The following ZFHX3 variants were observed in gnomAD, a reference collection of about 807,000 sequenced individuals.
The protein encoded by ZFHX3 is zinc finger homeobox protein 3.
A neutral mutation model predicts 279.1 loss-of-function variants in ZFHX3; 42 were observed. The observed-to-expected ratio is 0.15, with a 90% CI of 0.12 to 0.19. The LOEUF (loss-of-function observed/expected upper bound fraction) is 0.19. Among genes scored for constraint, ZFHX3 ranks in the 10% least tolerant of loss-of-function variants. The pLI is 1.00. For synonymous variants in ZFHX3, 2,293 were observed against 1,957.8 expected, an observed-to-expected ratio of 1.17 and a Z score of -4.52; for missense variants, 4,981 against 4,754.0, an observed-to-expected ratio of 1.05 and a Z score of -1.40.
intron 1 of ZFHX3, among the ~76,000 whole-genome samples, chr16:73,798,113 T>G (rs1960046945): frequency 6.6e-6 from 1 of 152,084 alleles, no homozygotes; most frequent in Non-Finnish European, 1.5e-5. Context: ...TCGGTCCTTC[T>G]GAGACTTTCA....
intron 4 of ZFHX3, among the ~76,000 whole-genome samples, chr16:72,845,432 C>A (rs929619094): frequency 6.6e-6 from 1 of 152,206 alleles, no homozygotes; most frequent in African/African-American, 2.4e-5. Flanking sequence ...TCATCGCATG[C>A]ACAGGGACAT....
At chr16:73,468,530 G>A (rs770071328) in intron 2 of ZFHX3, among the ~76,000 whole-genome samples, 25 of 152,176 alleles carry the variant, frequency 1.6e-4, no homozygotes, top group Middle Eastern at 3.2e-3. Context: ...GAGGTCAAGA[G>A]TTTGAGACCA....
intron 1 of ZFHX3, among the ~76,000 whole-genome samples, chr16:73,846,454 T>C (rs2142374955): frequency 6.6e-6 from 1 of 152,316 alleles, no homozygotes; most frequent in African/African-American, 2.4e-5. Context: ...TGAGTTTCAC[T>C]GTATCAAGCT....
rs1210556399 is a variant in ZFHX3 at position 72,959,200 on chromosome 16, T to C, written c.946A>G (p.Ile316Val). The change falls in exon 2 of 10, where the codon ATT (isoleucine) becomes GTT (valine). Residue 316 changes from isoleucine (I) to valine (V), a missense_variant. Around this residue, in one of 7 missense-constraint regions of ZFHX3, gnomAD observed 1,068 missense variants for 935.2 expected, o/e 1.14. Transcript: ENST00000268489. ...GCGGAGATGTTCTTATTGCTAAGAATTTTCCGCTCGTCTTCGCTCAGGGTC... is the reference window on the plus strand; with the variant it reads ...GCGGAGATGTTCTTATTGCTAAGAACTTTCCGCTCGTCTTCGCTCAGGGTC... Reference protein sequence around the residue: ...RMTLSEDERKILSNKNISAII... With the variant: ...RMTLSEDERKVLSNKNISAII... 2.5e-6 allele frequency: 4 copies of C among 1,614,168 alleles called. No homozygotes were observed. The highest frequency in any genetic ancestry group is 3.4e-6 in the Non-Finnish European group (4 of 1,180,028).
intron 1 of ZFHX3, among the ~76,000 whole-genome samples, chr16:73,726,734 A>C (rs2053522136): frequency 6.6e-6 from 1 of 152,148 alleles, no homozygotes; most frequent in South Asian, 2.1e-4. Flanking sequence ...ACTTTCAAAC[A>C]ACCAGATCTT....
chr16:73,104,620 C>A (rs1310977949), intron 7 of ZFHX3, among the ~76,000 whole-genome samples: 2 of 152,122 alleles, frequency 1.3e-5, no homozygotes, highest in African/African-American at 4.8e-5. Context: ...GAGTACGTAC[C>A]ACATGAGGCT....
At chr16:73,460,672 A>T (rs948663209) in intron 2 of ZFHX3, among the ~76,000 whole-genome samples, 1 of 152,176 alleles carries the variant, frequency 6.6e-6, no homozygotes, top group African/African-American at 2.4e-5. Context: ...TCATGTTGAA[A>T]TGTAATTCCC....
chr16:73,124,683 T>G (rs866546128), intron 7 of ZFHX3, among the ~76,000 whole-genome samples: 50 of 152,190 alleles, frequency 3.3e-4, no homozygotes, highest in African/African-American at 1.2e-3. Flanking sequence ...AAGGGACTAT[T>G]ACATCTACAA....
At chr16:72,904,185 G>A (rs926496137) in intron 3 of ZFHX3, among the ~76,000 whole-genome samples, 6 of 151,966 alleles carry the variant, frequency 3.9e-5, no homozygotes, top group African/African-American at 1.2e-4. Context: ...GGCCAACATG[G>A]CAAAACCCCA....
intron 1 of ZFHX3, among the ~76,000 whole-genome samples, chr16:72,992,929 G>A (rs62053227): frequency 0.051 from 7,770 of 152,332 alleles, 271 homozygotes; most frequent in Non-Finnish European, 0.075. Flanking sequence ...CTGAGGTCAG[G>A]AGTTTGAGAC....
intron 8 of ZFHX3, among the ~76,000 whole-genome samples, chr16:73,076,144 C>T (rs1436704994): frequency 6.6e-6 from 1 of 152,170 alleles, no homozygotes; most frequent in Non-Finnish European, 1.5e-5. Flanking sequence ...AAGTGTCTAG[C>T]ACAATCCCTG....
intron 3 of ZFHX3, among the ~76,000 whole-genome samples, chr16:72,934,815 TC>T (rs1960026903): frequency 6.6e-6 from 1 of 152,172 alleles, no homozygotes; most frequent in African/African-American, 2.4e-5. Flanking sequence ...CACATCAGAA[TC>T]CGACAGTAAA....
Position 72,795,445 on chromosome 16 carries a change from C to T in ZFHX3, c.7237G>A (p.Ala2413Thr). Residue 2413 changes from alanine to threonine, a missense_variant, in exon 9 of 10, where the codon GCT becomes ACT. Ala to Thr is a moderately conservative substitution (Grantham distance 58). Transcript: ENST00000268489. ...GAATTGAAGGTGGCCAGTTCCTCAG[C>T]CTCCGCTGTAAGCTGCAAGAAAGCG... ...SSAFLQLTAE[A>T]EELATFNSKT... 2 of 1,614,176 alleles carry T rather than the reference C, an allele frequency of 1.2e-6. No homozygotes were observed. The highest frequency in any genetic ancestry group is 2.2e-5 in the East Asian group (1 of 44,874).
At chr16:73,753,086 C>T (rs1023828178) in intron 1 of ZFHX3, among the ~76,000 whole-genome samples, 6 of 152,138 alleles carry the variant, frequency 3.9e-5, no homozygotes, top group Admixed American at 2.6e-4. Context: ...AAGTGCAGTG[C>T]TGAAGTGTGG....
intron 4 of ZFHX3, among the ~76,000 whole-genome samples, chr16:72,835,841 C>T (rs2037178852): frequency 6.6e-6 from 1 of 152,148 alleles, no homozygotes. Flanking sequence ...AAAACGAGGG[C>T]AGAACACTCT....
chr16:73,175,339 C>T (rs1177011878), intron 5 of ZFHX3, among the ~76,000 whole-genome samples: 1 of 152,108 alleles, frequency 6.6e-6, no homozygotes, highest in Non-Finnish European at 1.5e-5. Flanking sequence ...GAGATTGCAC[C>T]ACTGCACTCT....
chr16:73,103,544 T>G, intron 7 of ZFHX3, among the ~76,000 whole-genome samples: 1 of 152,238 alleles, frequency 6.6e-6, no homozygotes, highest in East Asian at 1.9e-4. Flanking sequence ...ATTACAGCAC[T>G]TTCACATTGC....
intron 1 of ZFHX3, among the ~76,000 whole-genome samples, chr16:73,860,899 A>G (rs1303029448): frequency 6.6e-6 from 1 of 151,786 alleles, no homozygotes; most frequent in Non-Finnish European, 1.5e-5. Context: ...CAAAAGTTCT[A>G]TATGGGGAGG....
intron 3 of ZFHX3, among the ~76,000 whole-genome samples, chr16:73,446,973 G>A (rs1473333491): frequency 6.6e-6 from 1 of 152,062 alleles, no homozygotes; most frequent in Non-Finnish European, 1.5e-5. Flanking sequence ...GAGGTCAGGA[G>A]ATCGAGACCA....
Sources: gnomAD v4.1 joint callset for allele counts (sites outside exome capture counted in the v4.1 genomes callset) on GRCh38, gnomAD v4.1.1 for gene constraint, gnomAD v4.1.1 regional missense constraint, MANE v1.5 for transcripts, NCBI Gene and HGNC (gene_info 2026-07-23, HGNC 2026-07-21) for gene names.